ZNF428: variants seen among roughly 807,000 people sequenced by gnomAD.
ZNF428 encodes zinc finger protein 428, also known as enzyme-like protein PIT13.
ZNF428 carries 5 observed loss-of-function variants against 15.6 expected under a neutral mutation model. The ratio of observed to expected loss-of-function variants is 0.32; its 90% CI spans 0.17 to 0.67. The LOEUF (loss-of-function observed/expected upper bound fraction) is 0.67, where lower values mean the gene tolerates loss of function less well. ZNF428 is among the 30% of genes least tolerant of loss of function. ZNF428 has a pLI of 0.73. For synonymous variants in ZNF428, 97 were observed against 102.2 expected, an observed-to-expected ratio of 0.95 and a Z score of 0.31; for missense variants, 237 against 256.0, an observed-to-expected ratio of 0.93 and a Z score of 0.51.
chr19:43,612,375 GCAGCAAAGCAAGAACACC>G lies in ZNF428; in HGVS notation c.76+1836_76+1853del. 1 of 1,551,678 alleles carries G rather than the reference GCAGCAAAGCAAGAACACC, an allele frequency of 6.4e-7. No homozygotes were observed. Among genetic ancestry groups the G allele is most frequent in the Middle Eastern group, 1.7e-4 (1 of 5,992 alleles). ...CGGCCCAGCAGCAGGTCCCGAGTCC[GCAGCAAAGCAAGAACACC>G]CAGCAGGGTGAGCACCGACACCAGG... is the stretch of plus-strand genomic sequence containing the variant. On this transcript the variant is annotated intron_variant, in intron 2 of 2. Coordinates refer to ENST00000300811, the MANE Select transcript of ZNF428 (RefSeq NM_182498.4). The surrounding 1 kb of genome is among the most constrained non-coding windows in gnomAD (Gnocchi z 4.2).
Position 43,612,908 on chromosome 19 carries a change from T to G in ZNF428, c.76+1321A>C. 1 of 1,551,550 alleles carries G rather than the reference T, an allele frequency of 6.4e-7. No homozygotes were observed. The highest frequency in any genetic ancestry group is 2.0e-5 in the Admixed American group (1 of 50,988). On this transcript the variant is annotated intron_variant, in intron 2 of 2. Coordinates refer to ENST00000300811, the MANE Select transcript of ZNF428 (RefSeq NM_182498.4). This position sits in a 1 kb window ranked among gnomAD's most constrained non-coding sequence, Gnocchi z 4.2. ...AAAGAGTTACAGCCCCACTGAAATG[T>G]CCAGCAGGGTCAAGAGTTATAACCA...
In ZNF428 at chr19:43,613,929, G is replaced by C. The variant is rs2146120261; in HGVS notation, c.76+300C>G. ...CGATCTAGAAGCCCCAATAAGCAGA[G>C]TGGTTACAGTCGACCTAGAGCCTCC... is the stretch of plus-strand genomic sequence containing the variant. On this transcript the variant is annotated intron_variant, in intron 2 of 2. Transcript: ENST00000300811. 2.6e-6 allele frequency: 4 copies of C among 1,551,674 alleles called. No individual in the cohort carries two copies. The South Asian group carries it at 4.8e-5, about 18-fold the overall frequency.
intron 2 of ZNF428, 144 bp from the exon 3 acceptor site, chr19:43,608,251 G>A (rs888900286): frequency 1.8e-6 from 2 of 1,085,278 alleles, no homozygotes; most frequent in Admixed American, 2.6e-5. Flanking sequence ...CCCCACAGAT[G>A]AGTCCCCATG....
chr19:43,607,893 G>A lies in ZNF428; in HGVS notation c.291C>T (p.Gly97=). Residue 97 remains glycine, a synonymous_variant, in exon 3 of 3, where the codon GGC becomes GGT. Coordinates refer to ENST00000300811, the MANE Select transcript of ZNF428 (RefSeq NM_182498.4). The surrounding 1 kb of genome is among the most constrained non-coding windows in gnomAD (Gnocchi z 5.1). ...QPPAQPCQLC[G]RSPLGEAPPG... ...GTGGGGCCTCCCCAAGGGGTGAGCG[G>A]CCACAGAGCTGGCAAGGCTGGGCCG... 1 of 1,561,526 alleles carries A rather than the reference G, an allele frequency of 6.4e-7. No homozygotes were observed. The highest frequency in any genetic ancestry group is 1.2e-5 in the South Asian group (1 of 85,986).
chr19:43,609,820 C>T (rs1395898739), intron 2 of ZNF428, among the ~76,000 whole-genome samples: 2 of 151,952 alleles, frequency 1.3e-5, no homozygotes, highest in Non-Finnish European at 2.9e-5. Flanking sequence ...TATGGGGGCG[C>T]ACACACAGAG....
intron 2 of ZNF428, among the ~76,000 whole-genome samples, chr19:43,610,230 C>T (rs903229455): frequency 2.6e-5 from 4 of 151,794 alleles, no homozygotes; most frequent in African/African-American, 4.8e-5. Context: ...GATAGAGTCT[C>T]GCTCTGTCAT....
chr19:43,614,446 G>T lies in ZNF428; in HGVS notation c.-130-12C>A, dbSNP rs945823452. The T allele has an allele frequency of 2.1e-6, 3 of 1,442,158 alleles. No individual in the cohort carries two copies. The highest frequency in any genetic ancestry group is 2.7e-6 in the Non-Finnish European group (3 of 1,102,256). 89.3% of individuals were successfully genotyped at this position (1,442,158 alleles called of 1,614,324 possible). On this transcript the variant is annotated splice_polypyrimidine_tract_variant and intron_variant, in intron 1 of 2. Transcript: ENST00000300811. ...GGTAGAGAGGGATGCTGGATAGGGG[G>T]AAAGGAAAGACCTGTGATGATTCAA... is the stretch of plus-strand genomic sequence containing the variant.
In ZNF428 at chr19:43,612,002, C is replaced by T. The variant is rs1973302260; in HGVS notation, c.76+2227G>A. The T allele has an allele frequency of 2.6e-6, 2 of 759,984 alleles. No homozygotes were observed. Among genetic ancestry groups the T allele is most frequent in the African/African-American group, 3.5e-5 (2 of 57,080 alleles). The allele number at this position is 759,984 out of a possible 1,614,324, so 47.1% of individuals were successfully genotyped here. On this transcript the variant is annotated intron_variant, in intron 2 of 2. Transcript: ENST00000300811. The surrounding 1 kb of genome is among the most constrained non-coding windows in gnomAD (Gnocchi z 4.2). ...CATACCACTCACCCTCCAGAGTCTT[C>T]AATGCCCACTATTACTTCACACAGT... is the stretch of plus-strand genomic sequence containing the variant.
Position 43,607,722 on chromosome 19 carries a change from TTCCTCC to T in ZNF428, c.456_461del (p.Glu157_Glu158del), listed in dbSNP as rs753254409. 4.3e-6 allele frequency: 7 copies of T among 1,613,148 alleles called. No individual in the cohort carries two copies. Among genetic ancestry groups the T allele is most frequent in the Non-Finnish European group, 5.9e-6 (7 of 1,179,466 alleles). On this transcript the variant is annotated inframe_deletion, in exon 3 of 3. Coordinates refer to ENST00000300811, the MANE Select transcript of ZNF428 (RefSeq NM_182498.4). The surrounding 1 kb of genome is among the most constrained non-coding windows in gnomAD (Gnocchi z 5.1). ...AGTGGTAGGTTCCCTCCTCCTCCTC[TTCCTCC>T]TCCTCCTCCCGCCCAGCTGGTCGGC...
intron 2 of ZNF428, chr19:43,608,387 G>T (rs1269924989): frequency 5.9e-6 from 2 of 341,688 alleles, no homozygotes; most frequent in African/African-American, 2.1e-5. Flanking sequence ...CAGCACTTTT[G>T]GGTGGCCAAG....
chr19:43,610,435 A>G (rs1278512670), intron 2 of ZNF428, among the ~76,000 whole-genome samples: 1 of 151,820 alleles, frequency 6.6e-6, no homozygotes, highest in Non-Finnish European at 1.5e-5. Context: ...CCTGACCTCA[A>G]GTGATCCACT....
intron 1 of ZNF428, 25 bp from the exon 2 acceptor site, chr19:43,614,459 TG>T (rs1278747163): frequency 7.0e-7 from 1 of 1,433,670 alleles, no homozygotes; most frequent in South Asian, 1.5e-5. Context: ...AGGAAAGACC[TG>T]TGATGATTCA....
rs1038242084 is a variant in ZNF428, at chr19:43,613,179, A to C, written c.76+1050T>G. The C allele has an allele frequency of 2.6e-6, 4 of 1,551,712 alleles. No homozygotes were observed. The East Asian group carries it at 9.8e-5, about 38-fold the overall frequency. On this transcript the variant is annotated intron_variant, in intron 2 of 2. Transcript: ENST00000300811. ...AGAACCCCCAGAAGAGGAAGAAGTC[A>C]CAACTGGTCTAGAAACCCCAGCAAG...
At chr19:43,610,706 C>T (rs966307086) in intron 2 of ZNF428, among the ~76,000 whole-genome samples, 3 of 152,196 alleles carry the variant, frequency 2.0e-5, no homozygotes, top group Non-Finnish European at 4.4e-5. Context: ...TGAGGCTTCA[C>T]ACACACTGTT....
At position 43,614,341 on chromosome 19, in the gene ZNF428, C is replaced by A; in HGVS notation, c.-37G>T. On this transcript the variant is annotated 5_prime_UTR_variant, in exon 2 of 3. Transcript: ENST00000300811. ...GGGACAGGAGACAGGAGCAGAGCAG[C>A]AGCTGAGCAGCGTCCCTCCCCGGCC... 1 of 1,560,194 alleles carries A rather than the reference C, an allele frequency of 6.4e-7. No homozygotes were observed. Among genetic ancestry groups the A allele is most frequent in the South Asian group, 1.2e-5 (1 of 81,820 alleles).
chr19:43,617,550 T>C (rs1973383787), intron 1 of ZNF428, among the ~76,000 whole-genome samples: 1 of 152,222 alleles, frequency 6.6e-6, no homozygotes, highest in South Asian at 2.1e-4. Context: ...AAATCTTGGC[T>C]TTTAAAGACA....
chr19:43,613,767 G>C, intron 2 of ZNF428: 1 of 1,551,548 alleles, frequency 6.4e-7, no homozygotes, highest in Admixed American at 2.0e-5. Context: ...AGCCAATCTA[G>C]AAGCCCCAGC....
intron 2 of ZNF428, chr19:43,613,852 GGAGA>G: frequency 6.4e-7 from 1 of 1,551,444 alleles, no homozygotes; most frequent in East Asian, 2.4e-5. Flanking sequence ...GCCCCAGCAA[GGAGA>G]GAGAGCGCAG....
chr19:43,607,898 A>G lies in ZNF428; in HGVS notation c.286T>C (p.Cys96Arg). ...AQPPAQPCQL[C>R]GRSPLGEAPP... ...GCCTCCCCAAGGGGTGAGCGGCCAC[A>G]GAGCTGGCAAGGCTGGGCCGGGGGC... Residue 96 changes from cysteine (C) to arginine (R), a missense_variant, in exon 3 of 3, where the codon TGT becomes CGT. Transcript: ENST00000300811. This position sits in a 1 kb window ranked among gnomAD's most constrained non-coding sequence, Gnocchi z 5.1. 6.4e-7 allele frequency: 1 copy of G among 1,563,066 alleles called. No homozygotes were observed. The highest frequency in any genetic ancestry group is 8.7e-7 in the Non-Finnish European group (1 of 1,153,696).
Sources: gnomAD v4.1 joint callset for allele counts (sites outside exome capture counted in the v4.1 genomes callset) on GRCh38, gnomAD v4.1.1 for gene constraint, Gnocchi (gnomAD v3.1) non-coding constraint, MANE v1.5 for transcripts, NCBI Gene and HGNC (gene_info 2026-07-23, HGNC 2026-07-21) for gene names.